RASA3: variants seen among roughly 807,000 people sequenced by gnomAD.
The protein encoded by RASA3 is ras GTPase-activating protein 3.
Under a neutral mutation model 110.0 loss-of-function variants are expected in RASA3, and 73 were observed. The observed-to-expected ratio is 0.66, with a 90% CI of 0.55 to 0.81. The LOEUF (loss-of-function observed/expected upper bound fraction) is 0.81. Ranked by LOEUF, RASA3 falls within the 30% of genes least tolerant of loss-of-function variation. RASA3 has a pLI of 0.00. For synonymous variants in RASA3, 500 were observed against 451.4 expected, an observed-to-expected ratio of 1.11 and a Z score of -1.37; for missense variants, 976 against 1,113.2, an observed-to-expected ratio of 0.88 and a Z score of 1.75.
chr13:114,010,443 C>G (rs1464952149), intron 16 of RASA3, among the ~76,000 whole-genome samples: 1 of 151,872 alleles, frequency 6.6e-6, no homozygotes, highest in Non-Finnish European at 1.5e-5. Context: ...CTCTGACCCC[C>G]TCAAACACAC....
chr13:114,081,865 C>T (rs1215414379), intron 1 of RASA3, among the ~76,000 whole-genome samples: 3 of 152,206 alleles, frequency 2.0e-5, no homozygotes, highest in African/African-American at 4.8e-5. Context: ...GTGTTCCTAG[C>T]GCAGCAGAGC....
rs1428836240 is a variant in RASA3, at chr13:114,065,898, C to T, written c.173+7822G>A. Among the ~76,000 whole-genome samples, 1 of 152,234 alleles carries T rather than the reference C, an allele frequency of 6.6e-6. No individual in the cohort carries two copies. On this transcript the variant is annotated intron_variant, in intron 2 of 23. Coordinates refer to ENST00000334062, the MANE Select transcript of RASA3 (RefSeq NM_007368.4). The surrounding 1 kb of genome is among the most constrained non-coding windows in gnomAD (Gnocchi z 4.1). ...GCAAATAGAGCTGTGAGTCTTCAAACGGAACCCAAAGACTCAGTGAGGAAA... is the reference window on the plus strand; with the variant it reads ...GCAAATAGAGCTGTGAGTCTTCAAATGGAACCCAAAGACTCAGTGAGGAAA...
intron 3 of RASA3, among the ~76,000 whole-genome samples, chr13:114,047,397 A>C (rs2079070057): frequency 6.6e-6 from 1 of 152,226 alleles, no homozygotes; most frequent in Non-Finnish European, 1.5e-5. Flanking sequence ...AAAAACTCAC[A>C]GTCCTAAGGG....
At position 114,018,911 on chromosome 13, in the gene RASA3, AG is replaced by A. The variant is rs768453488; in HGVS notation, c.793del (p.Leu265SerfsTer11). ...CTTGCTACCATTGTCCCGGGGCTGG[AG>A]GAAGTACCTGGGTGGGAGGGACACA... ...QSSSYEAWYF[L>X]QPRDNGSKSL... On this transcript the variant is annotated frameshift_variant, in exon 10 of 24. Transcript: ENST00000334062. LOFTEE classifies it high-confidence loss of function. 1 of 1,613,636 alleles carries A rather than the reference AG, an allele frequency of 6.2e-7. No individual in the cohort carries two copies. Among genetic ancestry groups the A allele is most frequent in the Non-Finnish European group, 8.5e-7 (1 of 1,179,926 alleles).
chr13:114,013,619 CATCTGT>C (rs1566478126), intron 14 of RASA3, among the ~76,000 whole-genome samples: 3 of 61,340 alleles, frequency 4.9e-5, no homozygotes, highest in Admixed American at 1.7e-4. Flanking sequence ...TCCCCCCCTC[CATCTGT>C]CTCTCTCTCT....
chr13:114,030,340 C>T (rs1033111175), intron 4 of RASA3, among the ~76,000 whole-genome samples: 1 of 137,348 alleles, frequency 7.3e-6, no homozygotes, highest in Non-Finnish European at 1.6e-5. Flanking sequence ...GCAGGAACCT[C>T]GGAGAGCTCA....
At position 114,057,595 on chromosome 13, in the gene RASA3, T is replaced by C. The variant is rs969655775; in HGVS notation, c.174-5440A>G. 1.4e-5 allele frequency: 12 copies of C among 855,734 alleles called. No individual in the cohort carries two copies. Among genetic ancestry groups the C allele is most frequent in the Non-Finnish European group, 1.7e-5 (12 of 712,030 alleles). The allele number at this position is 855,734 out of a possible 1,614,324, so 53.0% of individuals were successfully genotyped here. A position where few individuals can be genotyped will look rare whatever the true frequency, so the allele number is the denominator to read the frequency against. On this transcript the variant is annotated intron_variant, in intron 2 of 23. Coordinates refer to ENST00000334062, the MANE Select transcript of RASA3 (RefSeq NM_007368.4). The surrounding 1 kb of genome is among the most constrained non-coding windows in gnomAD (Gnocchi z 5.0). Reference sequence around the variant, plus strand: ...GAAGGAAACCTCTCCCCACAATGACTGTGCACAGAGCCAGCCTGACACCCA... The same window carrying C: ...GAAGGAAACCTCTCCCCACAATGACCGTGCACAGAGCCAGCCTGACACCCA...
In RASA3 at chr13:114,011,034, A is replaced by G. The variant is rs2053627080; in HGVS notation, c.1590+137T>C. ...ACGCTCAGGTCCTGGGTTTCAAGAG[A>G]GGATGTGGTGCCGGCTTTGATTCTT... On this transcript the variant is annotated intron_variant, in intron 16 of 23. Coordinates refer to ENST00000334062, the MANE Select transcript of RASA3 (RefSeq NM_007368.4). The surrounding 1 kb of genome is among the most constrained non-coding windows in gnomAD (Gnocchi z 4.8). 1 of 815,954 alleles carries G rather than the reference A, an allele frequency of 1.2e-6. No individual in the cohort carries two copies. Among genetic ancestry groups the G allele is most frequent in the East Asian group, 2.7e-5 (1 of 36,790 alleles). 50.5% of individuals were successfully genotyped at this position (815,954 alleles called of 1,614,324 possible).
chr13:114,021,350 G>T, intron 9 of RASA3, 54 bp downstream of exon 9: 1 of 1,509,092 alleles, frequency 6.6e-7, no homozygotes, highest in Non-Finnish European at 9.2e-7. Context: ...GAGGCAGCAC[G>T]TGTTTTTGTG....
intron 3 of RASA3, among the ~76,000 whole-genome samples, chr13:114,049,777 G>A (rs1192237731): frequency 6.6e-6 from 1 of 152,250 alleles, no homozygotes; most frequent in Non-Finnish European, 1.5e-5. Context: ...CCTGGCAGGG[G>A]CTGAGAACAC....
intron 20 of RASA3, among the ~76,000 whole-genome samples, chr13:113,998,584 G>A (rs146168055): frequency 3.3e-5 from 5 of 152,316 alleles, no homozygotes; most frequent in Non-Finnish European, 7.3e-5. Flanking sequence ...GGCTGAAGGG[G>A]CACTGAGTCA....
intron 1 of RASA3, among the ~76,000 whole-genome samples, chr13:114,094,418 T>C (rs111656964): frequency 0.058 from 8,758 of 152,242 alleles, 311 homozygotes; most frequent in Middle Eastern, 0.14. Context: ...AAACAAAATG[T>C]GATATGTCAT....
rs1241070130 is a variant in RASA3, at chr13:114,057,814, C to T, written c.174-5659G>A. Reference sequence around the variant, plus strand: ...CTGGAAGGGGCACCTCTGGCCAGGGCGCTCAGCACGAGGGGACCCAGAACA... The same window carrying T: ...CTGGAAGGGGCACCTCTGGCCAGGGTGCTCAGCACGAGGGGACCCAGAACA... On this transcript the variant is annotated intron_variant, in intron 2 of 23. Transcript: ENST00000334062. This position sits in a 1 kb window ranked among gnomAD's most constrained non-coding sequence, Gnocchi z 5.0. 2.6e-5 allele frequency among the ~76,000 whole-genome samples: 4 copies of T among 152,204 alleles called. No individual in the cohort carries two copies. The highest frequency in any genetic ancestry group is 3.9e-4 in the East Asian group (2 of 5,188).
chr13:113,998,908 C>T (rs1166572794), intron 20 of RASA3, among the ~76,000 whole-genome samples: 2 of 152,218 alleles, frequency 1.3e-5, no homozygotes, highest in Non-Finnish European at 2.9e-5. Flanking sequence ...GCGGCAAACT[C>T]GAATGTGGTC....
intron 14 of RASA3, among the ~76,000 whole-genome samples, chr13:114,013,969 T>C (rs530314749): frequency 1.4e-5 from 2 of 142,264 alleles, no homozygotes; most frequent in African/African-American, 2.8e-5. Context: ...TCTCTCTCTC[T>C]CCGTCTCGAT....
chr13:113,998,175 C>T (rs1318235547), intron 20 of RASA3, among the ~76,000 whole-genome samples: 1 of 152,168 alleles, frequency 6.6e-6, no homozygotes, highest in Non-Finnish European at 1.5e-5. Context: ...CACACTGCTT[C>T]CTTCGAGGGA....
intron 2 of RASA3, among the ~76,000 whole-genome samples, chr13:114,064,505 G>T (rs1354797754): frequency 6.6e-6 from 1 of 152,166 alleles, no homozygotes; most frequent in African/African-American, 2.4e-5. Context: ...CTGTCCGTGG[G>T]TCTCATGGTG....
intron 1 of RASA3, 88 bp from the exon 2 acceptor site, chr13:114,073,925 T>G: frequency 5.1e-6 from 6 of 1,166,688 alleles, no homozygotes; most frequent in Non-Finnish European, 7.7e-6. Context: ...CCTTTGCTTG[T>G]GTGCATTCAC....
intron 18 of RASA3, among the ~76,000 whole-genome samples, chr13:114,004,948 A>G (rs1272403075): frequency 6.6e-6 from 1 of 152,232 alleles, no homozygotes; most frequent in East Asian, 1.9e-4. Context: ...ATCAAGAGGA[A>G]GGAAATCTTA....
Sources: gnomAD v4.1 joint callset for allele counts (sites outside exome capture counted in the v4.1 genomes callset) on GRCh38, gnomAD v4.1.1 for gene constraint, Gnocchi (gnomAD v3.1) non-coding constraint, MANE v1.5 for transcripts, NCBI Gene and HGNC (gene_info 2026-07-23, HGNC 2026-07-21) for gene names.